FGF12: variants seen among roughly 807,000 people sequenced by gnomAD.
FGF12 encodes fibroblast growth factor 12B.
Under a neutral mutation model 23.6 loss-of-function variants are expected in FGF12, and 14 were observed. That is an observed-to-expected ratio of 0.59 (90% CI 0.39 to 0.93). The LOEUF (loss-of-function observed/expected upper bound fraction) is 0.93, where lower values mean the gene tolerates loss of function less well. FGF12 is among the 40% of genes least tolerant of loss of function. The pLI is 0.00. For missense variants in FGF12, 175 were observed against 217.8 expected, an observed-to-expected ratio of 0.80 and a Z score of 1.24; for synonymous variants, 62 against 77.3, an observed-to-expected ratio of 0.80 and a Z score of 1.04.
intron 2 of FGF12, among the ~76,000 whole-genome samples, chr3:192,596,828 C>T (rs904388156): frequency 4.6e-5 from 7 of 152,212 alleles, no homozygotes; most frequent in Admixed American, 4.6e-4. Flanking sequence ...AAAATAGACT[C>T]TATTCCACCC....
intron 5 of FGF12, among the ~76,000 whole-genome samples, chr3:192,149,506 T>C (rs1452526410): frequency 9.0e-6 from 1 of 111,324 alleles, no homozygotes; most frequent in Admixed American, 9.6e-5. Context: ...GATATTCCCC[T>C]TCCTGTGTCC....
At chr3:192,487,835 T>C (rs866304208) in intron 2 of FGF12, among the ~76,000 whole-genome samples, 9 of 152,198 alleles carry the variant, frequency 5.9e-5, no homozygotes, top group Middle Eastern at 3.4e-3. Flanking sequence ...TCTAAAAGAA[T>C]GTAAGGGTAT....
chr3:192,325,902 A>C (rs1716793461), intron 4 of FGF12, among the ~76,000 whole-genome samples: 1 of 152,194 alleles, frequency 6.6e-6, no homozygotes, highest in Non-Finnish European at 1.5e-5. Flanking sequence ...TAAACTTTAC[A>C]TGCTTCAGTA....
At chr3:192,278,651 T>G (rs1713949746) in intron 4 of FGF12, among the ~76,000 whole-genome samples, 1 of 152,140 alleles carries the variant, frequency 6.6e-6, no homozygotes, top group South Asian at 2.1e-4. Flanking sequence ...GAAACGAGGC[T>G]TTAATAGGAA....
intron 4 of FGF12, among the ~76,000 whole-genome samples, chr3:192,314,190 A>C (rs1201648434): frequency 6.6e-6 from 1 of 152,200 alleles, no homozygotes. Flanking sequence ...TATTTAAGCC[A>C]ACCAGTCTGT....
At chr3:192,598,525 G>A (rs2108628930) in intron 2 of FGF12, among the ~76,000 whole-genome samples, 1 of 152,282 alleles carries the variant, frequency 6.6e-6, no homozygotes, top group Non-Finnish European at 1.5e-5. Flanking sequence ...GGACATGGGA[G>A]TTTTGGGTCT....
chr3:192,562,605 C>T (rs1017145934), intron 2 of FGF12, among the ~76,000 whole-genome samples: 3 of 151,934 alleles, frequency 2.0e-5, no homozygotes, highest in Non-Finnish European at 4.4e-5. Flanking sequence ...CAAATAATTG[C>T]TGTGAATTTA....
chr3:192,544,666 T>A, intron 2 of FGF12, among the ~76,000 whole-genome samples: 1 of 152,214 alleles, frequency 6.6e-6, no homozygotes, highest in Admixed American at 6.5e-5. Context: ...CAATTTTTTT[T>A]TATAGAAGTA....
chr3:192,288,915 T>G (rs116499097), intron 4 of FGF12, among the ~76,000 whole-genome samples: 2,356 of 152,238 alleles, frequency 0.015, 34 homozygotes, highest in Middle Eastern at 0.054. Context: ...ACCATGCCTT[T>G]TATGCTTAAC....
intron 2 of FGF12, among the ~76,000 whole-genome samples, chr3:192,486,754 T>G (rs1393663838): frequency 6.6e-6 from 1 of 152,002 alleles, no homozygotes; most frequent in Non-Finnish European, 1.5e-5. Context: ...AATTTATATT[T>G]TGAGAACATC....
Position 192,364,432 on chromosome 3 carries a change from T to C in FGF12, c.14-3894A>G, listed in dbSNP as rs561475186. ...GTTTGCTCCCTTTTGTGCTCTAAAG[T>C]GGTGTGGCAAATACTGCAAGCATTT... On this transcript the variant is annotated intron_variant, in intron 2 of 5. Coordinates refer to ENST00000445105, the MANE Select transcript of FGF12 (RefSeq NM_004113.6). Among the ~76,000 whole-genome samples the C allele has an allele frequency of 4.6e-5, 7 of 152,256 alleles. No individual in the cohort carries two copies. In the East Asian group the frequency reaches 1.4e-3, roughly 29 times the overall value.
At chr3:192,378,026 T>TTTCTCTCTCTTTCTTTCTTTCTTTCTTTC (rs1553804997) in intron 2 of FGF12, among the ~76,000 whole-genome samples, 1 of 69,442 alleles carries the variant, frequency 1.4e-5, no homozygotes. Flanking sequence ...TGACTCTTTC[T>TTTCTCTCTCTTTCTTTCTTTCTTTCTTTC]TTTCTTTCTT....
intron 2 of FGF12, among the ~76,000 whole-genome samples, chr3:192,687,696 C>A (rs1717795939): frequency 6.6e-6 from 1 of 152,120 alleles, no homozygotes; most frequent in South Asian, 2.1e-4. Flanking sequence ...GGCCCCACCC[C>A]CCAGCTCCTG....
At chr3:192,692,868 G>A (rs1390009292) in intron 2 of FGF12, among the ~76,000 whole-genome samples, 2 of 151,838 alleles carry the variant, frequency 1.3e-5, no homozygotes, top group Non-Finnish European at 2.9e-5. Flanking sequence ...CAATCAATGG[G>A]AGAAAACCAG....
At chr3:192,166,943 C>CA (rs1189267163) in intron 5 of FGF12, among the ~76,000 whole-genome samples, 39 of 151,838 alleles carry the variant, frequency 2.6e-4, no homozygotes, top group Non-Finnish European at 7.4e-5. Context: ...ATTTAGAATG[C>CA]ATTTTTTTTC....
chr3:192,464,632 G>A (rs1722959410), intron 2 of FGF12, among the ~76,000 whole-genome samples: 1 of 152,032 alleles, frequency 6.6e-6, no homozygotes, highest in African/African-American at 2.4e-5. Flanking sequence ...TGACATGCAT[G>A]TGCAAGTCTC....
At chr3:192,204,418 G>A (rs1717535820) in intron 4 of FGF12, among the ~76,000 whole-genome samples, 1 of 152,132 alleles carries the variant, frequency 6.6e-6, no homozygotes, top group Non-Finnish European at 1.5e-5. Context: ...AGCCATATTT[G>A]TTTAGTGTCT....
chr3:192,677,381 G>A (rs1395922965), intron 2 of FGF12, among the ~76,000 whole-genome samples: 3 of 152,184 alleles, frequency 2.0e-5, no homozygotes, highest in African/African-American at 7.2e-5. Context: ...AAACTCCTGA[G>A]GTTGTGTCAG....
intron 2 of FGF12, among the ~76,000 whole-genome samples, chr3:192,638,614 G>T (rs1017067875): frequency 6.6e-6 from 1 of 152,184 alleles, no homozygotes; most frequent in Non-Finnish European, 1.5e-5. Flanking sequence ...AACAATGATA[G>T]CTCTTAGCAA....
Sources: allele counts gnomAD v4.1 joint callset (sites outside exome capture counted in the v4.1 genomes callset), GRCh38; gene constraint gnomAD v4.1.1; transcripts MANE v1.5; gene names NCBI Gene and HGNC (gene_info 2026-07-23, HGNC 2026-07-21).